Variants in GPC5 observed in about 807,000 individuals in gnomAD.
The protein encoded by GPC5 is glypican 5.
GPC5 carries 47 observed loss-of-function variants against 53.9 expected under a neutral mutation model. The ratio of observed to expected loss-of-function variants is 0.87; its 90% CI spans 0.69 to 1.11. The LOEUF (loss-of-function observed/expected upper bound fraction) is 1.11. Ranked by LOEUF, GPC5 falls within the 50% of genes most tolerant of loss-of-function variation. The pLI, the probability that GPC5 is intolerant of heterozygous loss-of-function variation, is 0.00. For synonymous variants in GPC5, 286 were observed against 263.3 expected, an observed-to-expected ratio of 1.09 and a Z score of -0.84; for missense variants, 748 against 713.1, an observed-to-expected ratio of 1.05 and a Z score of -0.56.
Position 92,282,808 on chromosome 13 carries a change from T to A in GPC5, c.1561+137819T>A, listed in dbSNP as rs557133499. Among the ~76,000 whole-genome samples the A allele has an allele frequency of 2.6e-5, 4 of 152,286 alleles. No individual in the cohort carries two copies. The East Asian group carries it at 7.7e-4, about 29-fold the overall frequency. On this transcript the variant is annotated intron_variant, in intron 7 of 7. Transcript: ENST00000377067. ...ATAACATGCCAAATTGTAAAGACCA[T>A]CGATGCTAGGAAAAAACTACATCAA... is the stretch of plus-strand genomic sequence containing the variant.
chr13:92,653,470 T>C lies in GPC5; in HGVS notation c.1562-212812T>C, dbSNP rs572025343. Among the ~76,000 whole-genome samples the C allele has an allele frequency of 9.2e-5, 14 of 152,354 alleles. No individual in the cohort carries two copies. In the East Asian group the frequency reaches 2.7e-3, roughly 29 times the overall value. On this transcript the variant is annotated intron_variant, in intron 7 of 7. Transcript: ENST00000377067. ...CAGCATCTGCTAAAATGTCTTTTTT[T>C]CAAATATCTCATGTATTTGTATTTC... is the stretch of plus-strand genomic sequence containing the variant.
chr13:92,775,122 T>G (rs1229905423), intron 7 of GPC5, among the ~76,000 whole-genome samples: 1 of 152,178 alleles, frequency 6.6e-6, no homozygotes, highest in Admixed American at 6.5e-5. Context: ...TATCATTCAT[T>G]TATGGTCTTG....
Position 92,684,170 on chromosome 13 carries a change from T to A in GPC5, c.1562-182112T>A, listed in dbSNP as rs116546033. 2.6e-3 allele frequency among the ~76,000 whole-genome samples: 391 copies of A among 152,336 alleles called. 1 individual carries two copies. Among genetic ancestry groups the A allele is most frequent in the African/African-American group, 8.9e-3 (371 of 41,582 alleles). ...AAAATGTCATATACTTGAAATCACA[T>A]AGTATATAGGCTTTCATATTGGCTT... On this transcript the variant is annotated intron_variant, in intron 7 of 7. Coordinates refer to ENST00000377067, the MANE Select transcript of GPC5 (RefSeq NM_004466.6).
intron 1 of GPC5, among the ~76,000 whole-genome samples, chr13:91,416,216 C>T (rs749149156): frequency 1.1e-4 from 17 of 152,034 alleles, no homozygotes; most frequent in Non-Finnish European, 1.5e-4. Flanking sequence ...ATTTATGAGT[C>T]CTTCAGATGC....
rs922042136 is a variant in GPC5, at chr13:92,601,255, G to A, written c.1562-265027G>A. Among the ~76,000 whole-genome samples the A allele has an allele frequency of 3.3e-5, 5 of 151,912 alleles. No homozygotes were observed. In the East Asian group the frequency reaches 9.7e-4, roughly 29 times the overall value. The stretch of plus-strand genomic sequence containing the variant: ...TACCACCTTAGAGCAATCTTTTGAA[G>A]AACAAGAAACACATATTGGGCCAGG... On this transcript the variant is annotated intron_variant, in intron 7 of 7. Coordinates refer to ENST00000377067, the MANE Select transcript of GPC5 (RefSeq NM_004466.6).
At chr13:92,522,616 T>C (rs1881105325) in intron 7 of GPC5, among the ~76,000 whole-genome samples, 2 of 151,778 alleles carry the variant, frequency 1.3e-5, no homozygotes, top group Non-Finnish European at 2.9e-5. Flanking sequence ...TGGGGCCTGT[T>C]GTGGGGTGGG....
At chr13:92,477,346 T>A (rs1879189772) in intron 7 of GPC5, among the ~76,000 whole-genome samples, 1 of 152,168 alleles carries the variant, frequency 6.6e-6, no homozygotes, top group Non-Finnish European at 1.5e-5. Context: ...CCACAAGAAC[T>A]GAGCTCAATA....
intron 5 of GPC5, among the ~76,000 whole-genome samples, chr13:91,849,911 A>C (rs947933455): frequency 1.1e-4 from 17 of 152,188 alleles, no homozygotes; most frequent in African/African-American, 3.4e-4. Flanking sequence ...CTTCAGTGTA[A>C]AGATGAGAAA....
At chr13:92,472,326 T>C (rs1484063403) in intron 7 of GPC5, among the ~76,000 whole-genome samples, 1 of 152,172 alleles carries the variant, frequency 6.6e-6, no homozygotes, top group Non-Finnish European at 1.5e-5. Flanking sequence ...TGCTTTAAGA[T>C]ACAATGTTGA....
intron 7 of GPC5, among the ~76,000 whole-genome samples, chr13:92,285,107 C>G (rs2042944376): frequency 6.6e-6 from 1 of 151,678 alleles, no homozygotes; most frequent in Admixed American, 6.6e-5. Context: ...AACAGACAAA[C>G]AGAGCCAAAT....
At chr13:92,291,694 A>G (rs1389374346) in intron 7 of GPC5, among the ~76,000 whole-genome samples, 1 of 152,166 alleles carries the variant, frequency 6.6e-6, no homozygotes, top group South Asian at 2.1e-4. Context: ...GCTGTTTGCA[A>G]TAAATCTTGC....
chr13:91,551,380 ATC>A (rs1246932240), intron 2 of GPC5, among the ~76,000 whole-genome samples: 1 of 152,138 alleles, frequency 6.6e-6, no homozygotes, highest in African/African-American at 2.4e-5. Flanking sequence ...CAATGTGCCA[ATC>A]TCTGTTTACT....
intron 7 of GPC5, among the ~76,000 whole-genome samples, chr13:92,474,450 C>T (rs1170877168): frequency 6.6e-6 from 1 of 151,992 alleles, no homozygotes; most frequent in African/African-American, 2.4e-5. Flanking sequence ...TCCTATTAAT[C>T]ACAGTAGTAA....
rs574255740 is a variant in GPC5, at chr13:92,802,176, A to T, written c.1562-64106A>T. ...CTTTACTATGTTGAGACATATTTAG[A>T]TGCAAAAATACTTACCATTGCGTTA... On this transcript the variant is annotated intron_variant, in intron 7 of 7. Transcript: ENST00000377067. 9.2e-5 allele frequency among the ~76,000 whole-genome samples: 14 copies of T among 151,930 alleles called. 1 individual carries two copies. Among genetic ancestry groups the T allele is most frequent in the African/African-American group, 3.1e-4 (13 of 41,508 alleles).
intron 7 of GPC5, among the ~76,000 whole-genome samples, chr13:92,384,219 G>T (rs1375418419): frequency 6.6e-6 from 1 of 151,642 alleles, no homozygotes; most frequent in Non-Finnish European, 1.5e-5. Context: ...ACAGGAAATG[G>T]GGCAGCTATT....
intron 3 of GPC5, among the ~76,000 whole-genome samples, chr13:91,723,470 C>T (rs2036515419): frequency 4.6e-5 from 2 of 43,476 alleles, no homozygotes; most frequent in Admixed American, 5.7e-4. Flanking sequence ...GAATTAATCT[C>T]TCCCTCCAAA....
Position 92,828,884 on chromosome 13 carries a change from G to C in GPC5, c.1562-37398G>C, listed in dbSNP as rs540140238. On this transcript the variant is annotated intron_variant, in intron 7 of 7. Coordinates refer to ENST00000377067, the MANE Select transcript of GPC5 (RefSeq NM_004466.6). The stretch of plus-strand genomic sequence containing the variant: ...TTGGGGGATGAAATACTGCCTGTTG[G>C]ATACAATGCACACTATTCGGGTGAT... Among the ~76,000 whole-genome samples, 4 of 152,190 alleles carry C rather than the reference G, an allele frequency of 2.6e-5. No homozygotes were observed. In the South Asian group the frequency reaches 8.3e-4, roughly 32 times the overall value.
chr13:91,760,241 T>C (rs2138654644), intron 5 of GPC5, among the ~76,000 whole-genome samples: 2 of 152,336 alleles, frequency 1.3e-5, no homozygotes, highest in Middle Eastern at 3.4e-3. Flanking sequence ...TATGCTTCAA[T>C]ATTGAACTGC....
At chr13:91,738,856 C>T (rs1173419933) in intron 4 of GPC5, among the ~76,000 whole-genome samples, 1 of 151,294 alleles carries the variant, frequency 6.6e-6, no homozygotes, top group African/African-American at 2.5e-5. Flanking sequence ...AATATTTTCA[C>T]AATCCCCAGG....
Sources: allele counts gnomAD v4.1 joint callset (sites outside exome capture counted in the v4.1 genomes callset), GRCh38; gene constraint gnomAD v4.1.1; transcripts MANE v1.5; gene names NCBI Gene and HGNC (gene_info 2026-07-23, HGNC 2026-07-21).